ARHGEF3: variants seen among roughly 807,000 people sequenced by gnomAD.
ARHGEF3 encodes Rho guanine nucleotide exchange factor 3.
Under a neutral mutation model 63.2 loss-of-function variants are expected in ARHGEF3, and 28 were observed. The ratio of observed to expected loss-of-function variants is 0.44; its 90% CI spans 0.33 to 0.61. ARHGEF3 has a LOEUF of 0.61. ARHGEF3 is among the 20% of genes least tolerant of loss of function. The pLI is 0.03. For missense variants in ARHGEF3, 533 were observed against 659.3 expected (o/e 0.81, Z 2.10); for synonymous variants, 266 against 254.2 (o/e 1.05, Z -0.44).
At chr3:56,925,960 T>C (rs987598729) in intron 3 of ARHGEF3, among the ~76,000 whole-genome samples, 2 of 152,196 alleles carry the variant, frequency 1.3e-5, no homozygotes, top group African/African-American at 4.8e-5. Context: ...CAGCTTCCTT[T>C]GTTCAACAGA....
chr3:56,785,941 A>G (rs1200266490), intron 1 of ARHGEF3, among the ~76,000 whole-genome samples: 1 of 152,196 alleles, frequency 6.6e-6, no homozygotes, highest in African/African-American at 2.4e-5. Flanking sequence ...TGACAAGAAC[A>G]ACGGTTTTGA....
intron 3 of ARHGEF3, among the ~76,000 whole-genome samples, chr3:56,952,317 C>T (rs572531846): frequency 6.6e-6 from 1 of 152,134 alleles, no homozygotes; most frequent in African/African-American, 2.4e-5. Context: ...ATGAGAACCT[C>T]CTGACAACCA....
intron 2 of ARHGEF3, among the ~76,000 whole-genome samples, chr3:56,991,158 G>A (rs923360967): frequency 6.6e-6 from 1 of 152,092 alleles, no homozygotes; most frequent in Admixed American, 6.5e-5. Context: ...GCTCACAGCT[G>A]GTCTTCCGAC....
At chr3:56,731,983 C>T in intron 9 of ARHGEF3, 2 of 597,618 alleles carry the variant, frequency 3.3e-6, no homozygotes, top group South Asian at 4.1e-5. Context: ...TATGTGCAGA[C>T]AGTTTCACTT....
At chr3:56,830,942 TC>T (rs2038912089) in intron 4 of ARHGEF3, among the ~76,000 whole-genome samples, 1 of 152,052 alleles carries the variant, frequency 6.6e-6, no homozygotes, top group African/African-American at 2.4e-5. Flanking sequence ...TGCCACCACC[TC>T]CTATTCCCAG....
At chr3:56,816,367 A>T (rs2038270906) in intron 4 of ARHGEF3, among the ~76,000 whole-genome samples, 1 of 152,240 alleles carries the variant, frequency 6.6e-6, no homozygotes, top group Non-Finnish European at 1.5e-5. Context: ...TAAGAATTAG[A>T]ACTAAAAACA....
intron 1 of ARHGEF3, among the ~76,000 whole-genome samples, chr3:56,781,946 G>C (rs756627066): frequency 2.6e-5 from 4 of 152,254 alleles, no homozygotes; most frequent in Non-Finnish European, 4.4e-5. Flanking sequence ...CTGGAAGGCA[G>C]GGCATGGTGC....
At chr3:56,747,469 C>T (rs2034460059) in intron 6 of ARHGEF3, among the ~76,000 whole-genome samples, 1 of 152,170 alleles carries the variant, frequency 6.6e-6, no homozygotes, top group African/African-American at 2.4e-5. Flanking sequence ...TTTAACTACA[C>T]AGGGTGAATA....
intron 2 of ARHGEF3, among the ~76,000 whole-genome samples, chr3:56,756,000 G>A (rs1408574090): frequency 6.6e-6 from 1 of 152,056 alleles, no homozygotes; most frequent in Non-Finnish European, 1.5e-5. Flanking sequence ...TCTCAGTTGG[G>A]GTTCTGTCAA....
At chr3:56,997,615 C>T (rs935619149) in intron 2 of ARHGEF3, among the ~76,000 whole-genome samples, 8 of 152,192 alleles carry the variant, frequency 5.3e-5, no homozygotes, top group African/African-American at 1.9e-4. Context: ...GTCACAGGAA[C>T]TCAGAGGAGC....
chr3:57,006,878 G>A (rs1237217035), intron 2 of ARHGEF3, among the ~76,000 whole-genome samples: 1 of 152,088 alleles, frequency 6.6e-6, no homozygotes, highest in Non-Finnish European at 1.5e-5. Flanking sequence ...AACCCTCCCT[G>A]GCTGAGTTTT....
At chr3:56,976,177 G>A (rs1004230553) in intron 2 of ARHGEF3, among the ~76,000 whole-genome samples, 1 of 151,620 alleles carries the variant, frequency 6.6e-6, no homozygotes, top group Non-Finnish European at 1.5e-5. Context: ...GAGTACCTGG[G>A]ATTACAGGCG....
chr3:56,998,848 A>T (rs1439272946), intron 2 of ARHGEF3, among the ~76,000 whole-genome samples: 1 of 152,194 alleles, frequency 6.6e-6, no homozygotes, highest in Non-Finnish European at 1.5e-5. Context: ...AGATACCCTG[A>T]AGCAGATCCC....
intron 3 of ARHGEF3, among the ~76,000 whole-genome samples, chr3:56,944,255 T>G (rs1349819220): frequency 6.6e-6 from 1 of 152,186 alleles, no homozygotes; most frequent in East Asian, 1.9e-4. Flanking sequence ...CTGGTGGCTG[T>G]GGGCAAAGTA....
intron 4 of ARHGEF3, among the ~76,000 whole-genome samples, chr3:56,858,512 TC>T (rs1559998104): frequency 6.6e-6 from 1 of 152,168 alleles, no homozygotes; most frequent in East Asian, 1.9e-4. Context: ...ACAATGGCAG[TC>T]CCTGTCTGTG....
chr3:57,063,493 G>A (rs551556150), intron 1 of ARHGEF3, among the ~76,000 whole-genome samples: 21 of 152,244 alleles, frequency 1.4e-4, no homozygotes, highest in African/African-American at 4.3e-4. Context: ...AGCGGGAGGG[G>A]AGCAGTGGCC....
intron 1 of ARHGEF3, among the ~76,000 whole-genome samples, chr3:56,779,540 T>A (rs867258160): frequency 6.6e-6 from 1 of 152,198 alleles, no homozygotes; most frequent in African/African-American, 2.4e-5. Context: ...TCGCGCAGGC[T>A]GGAGTGCAGT....
At chr3:56,779,202 T>C (rs1407374436) in intron 1 of ARHGEF3, among the ~76,000 whole-genome samples, 1 of 152,218 alleles carries the variant, frequency 6.6e-6, no homozygotes, top group Non-Finnish European at 1.5e-5. Flanking sequence ...TTTTATTGCA[T>C]TTTATTCTCT....
intron 2 of ARHGEF3, among the ~76,000 whole-genome samples, chr3:56,989,642 C>T (rs926964294): frequency 5.9e-5 from 9 of 152,292 alleles, no homozygotes; most frequent in Middle Eastern, 3.4e-3. Context: ...CCCAGGACAG[C>T]ACTCATCTGG....
Sources: gnomAD v4.1 joint callset for allele counts (sites outside exome capture counted in the v4.1 genomes callset) on GRCh38, gnomAD v4.1.1 for gene constraint, MANE v1.5 for transcripts, NCBI Gene and HGNC (gene_info 2026-07-23, HGNC 2026-07-21) for gene names.